The following LYAR variants were observed in gnomAD, a reference collection of about 807,000 sequenced individuals.
LYAR encodes the protein Ly1 antibody reactive.
A neutral mutation model predicts 45.2 loss-of-function variants in LYAR; 37 were observed. The ratio of observed to expected loss-of-function variants is 0.82; its 90% confidence interval spans 0.63 to 1.08. LYAR has a LOEUF of 1.08. Among genes scored for constraint, LYAR ranks in the 50% least tolerant of loss-of-function variants. The probability of loss-of-function intolerance (pLI) is 0.00; values close to 1 mark genes in which losing one functional copy is unlikely to be tolerated. For missense variants in LYAR, 493 were observed against 451.0 expected (o/e 1.09, Z -0.84); for synonymous variants, 176 against 155.1 (o/e 1.14, Z -1.00).
chr4:4,271,433 T>A (rs1275844406), intron 8 of LYAR, among the ~76,000 whole-genome samples: 1 of 152,208 alleles, frequency 6.6e-6, no homozygotes, highest in East Asian at 1.9e-4. Flanking sequence ...ACACATAGGT[T>A]GCTCCAATCT....
At chr4:4,288,844 C>T (rs1258210014) in intron 1 of LYAR, among the ~76,000 whole-genome samples, 1 of 152,198 alleles carries the variant, frequency 6.6e-6, no homozygotes, top group Non-Finnish European at 1.5e-5. Context: ...CACATCATTA[C>T]CACCACTACC....
At chr4:4,283,857 T>G in intron 2 of LYAR, 62 bp from the exon 3 acceptor site, 1 of 731,654 alleles carries the variant, frequency 1.4e-6, no homozygotes, top group Non-Finnish European at 2.1e-6. Flanking sequence ...AAATGGCTCA[T>G]GCCCCTAACT....
intron 8 of LYAR, among the ~76,000 whole-genome samples, chr4:4,272,913 C>T (rs1364682216): frequency 6.6e-6 from 1 of 152,028 alleles, no homozygotes; most frequent in Non-Finnish European, 1.5e-5. Flanking sequence ...TTGCCACCTC[C>T]CGACAGGTAT....
At chr4:4,272,409 T>C (rs1422252627) in intron 8 of LYAR, among the ~76,000 whole-genome samples, 2 of 152,202 alleles carry the variant, frequency 1.3e-5, no homozygotes, top group Non-Finnish European at 2.9e-5. Flanking sequence ...GAAATCACAA[T>C]GGTACTGAAC....
chr4:4,279,594 C>A, intron 5 of LYAR, 48 bp downstream of exon 5: 1 of 1,566,456 alleles, frequency 6.4e-7, no homozygotes, highest in South Asian at 1.1e-5. Flanking sequence ...CAAGCTCAGT[C>A]ACTGATGGGC....
intron 8 of LYAR, among the ~76,000 whole-genome samples, chr4:4,270,921 C>T (rs775144414): frequency 2.0e-5 from 3 of 152,100 alleles, no homozygotes; most frequent in Middle Eastern, 3.2e-3. Flanking sequence ...ATATGGGGCA[C>T]GTGAGATATT....
intron 4 of LYAR, among the ~76,000 whole-genome samples, chr4:4,281,008 T>A (rs998240082): frequency 6.6e-6 from 1 of 152,138 alleles, no homozygotes; most frequent in Non-Finnish European, 1.5e-5. Flanking sequence ...AATTAGGGAG[T>A]CAATGTTTCT....
At chr4:4,282,637 C>T (rs147781863) in intron 3 of LYAR, among the ~76,000 whole-genome samples, 1 of 152,216 alleles carries the variant, frequency 6.6e-6, no homozygotes, top group Admixed American at 6.5e-5. Flanking sequence ...AGCTTCTCGC[C>T]TGGACCTTCT....
chr4:4,282,009 C>T, intron 3 of LYAR, 112 bp from the exon 4 acceptor site: 1 of 674,984 alleles, frequency 1.5e-6, no homozygotes. Flanking sequence ...TCACATGTGT[C>T]TATCACACAA....
At chr4:4,282,813 C>T (rs1719453278) in intron 3 of LYAR, among the ~76,000 whole-genome samples, 1 of 152,194 alleles carries the variant, frequency 6.6e-6, no homozygotes, top group African/African-American at 2.4e-5. Context: ...CCCGTGGGGC[C>T]AGGAAGAGCC....
chr4:4,280,666 A>T (rs1719359521), intron 4 of LYAR, among the ~76,000 whole-genome samples: 1 of 152,182 alleles, frequency 6.6e-6, no homozygotes, highest in Non-Finnish European at 1.5e-5. Context: ...TGGTTTTTAG[A>T]GAATTACAGA....
chr4:4,269,583 C>T lies in LYAR; in HGVS notation c.920-968G>A, dbSNP rs555283081. On this transcript the variant is annotated intron_variant, in intron 8 of 9. Transcript: ENST00000343470. ...CCGGCAGGAGCAAGAAGTGGCCATCCTCAGGTGTGGATGGAGGCTGAGTAG... is the reference window on the plus strand; with the variant it reads ...CCGGCAGGAGCAAGAAGTGGCCATCTTCAGGTGTGGATGGAGGCTGAGTAG... Among the ~76,000 whole-genome samples the T allele has an allele frequency of 2.3e-3, 344 of 152,318 alleles. 2 individuals are homozygous for T. The highest frequency in any genetic ancestry group is 4.2e-3 in the Non-Finnish European group (285 of 68,020).
intron 7 of LYAR, 84 bp from the exon 8 acceptor site, chr4:4,273,753 G>T: frequency 1.3e-6 from 1 of 756,394 alleles, no homozygotes; most frequent in East Asian, 2.6e-5. Context: ...ATGCGAGCTA[G>T]GCAAACTCCA....
intron 4 of LYAR, among the ~76,000 whole-genome samples, chr4:4,280,751 T>A (rs1018754878): frequency 6.6e-6 from 1 of 152,158 alleles, no homozygotes; most frequent in African/African-American, 2.4e-5. Flanking sequence ...CTCTAGTAAG[T>A]CCTTTGTGAA....
chr4:4,281,900 T>A lies in LYAR; in HGVS notation c.123-3A>T. The A allele has an allele frequency of 6.2e-7, 1 of 1,606,904 alleles. No homozygotes were observed. ...CGTGGTTTTTATAGTCATCGCCCCT[T>A]TAAAGTGATCAAAAGTTCTGCCATT... On this transcript the variant is annotated splice_region_variant and splice_polypyrimidine_tract_variant and intron_variant, in intron 3 of 9. Transcript: ENST00000343470.
chr4:4,283,080 AATC>A (rs1719466709), intron 3 of LYAR, among the ~76,000 whole-genome samples: 1 of 152,268 alleles, frequency 6.6e-6, no homozygotes, highest in South Asian at 2.1e-4. Context: ...TGAACACTCT[AATC>A]ATCATAATTC....
chr4:4,281,051 T>C (rs1372560422), intron 4 of LYAR, among the ~76,000 whole-genome samples: 2 of 152,226 alleles, frequency 1.3e-5, no homozygotes, highest in Non-Finnish European at 2.9e-5. Context: ...TCATGCTGTT[T>C]TAGTTAAGTA....
chr4:4,270,314 CAA>C (rs1274962759), intron 8 of LYAR, among the ~76,000 whole-genome samples: 1 of 74,580 alleles, frequency 1.3e-5, no homozygotes, highest in African/African-American at 4.8e-5. Flanking sequence ...ATTTAGAAAA[CAA>C]AAAAATCTTT....
At chr4:4,276,125 G>C (rs1719168672) in intron 6 of LYAR, among the ~76,000 whole-genome samples, 1 of 152,154 alleles carries the variant, frequency 6.6e-6, no homozygotes, top group African/African-American at 2.4e-5. Flanking sequence ...GCAATTCATT[G>C]AACTGTTCCA....
Sources: gnomAD v4.1 joint callset for allele counts (sites outside exome capture counted in the v4.1 genomes callset) on GRCh38, gnomAD v4.1.1 for gene constraint, MANE v1.5 for transcripts, NCBI Gene and HGNC (gene_info 2026-07-23, HGNC 2026-07-21) for gene names.